Variants in NDST4 observed in about 807,000 individuals in gnomAD.
NDST4 encodes N-deacetylase and N-sulfotransferase 4.
NDST4 carries 63 observed loss-of-function variants against 100.8 expected under a neutral mutation model. The observed-to-expected ratio is 0.62, with a 90% CI of 0.51 to 0.77. NDST4 has a LOEUF of 0.77. Ranked by LOEUF, NDST4 falls within the 30% of genes least tolerant of loss-of-function variation. NDST4 has a pLI of 0.00. For missense variants in NDST4, 943 were observed against 1,018.4 expected (o/e 0.93, Z 1.01); for synonymous variants, 377 against 361.8 (o/e 1.04, Z -0.48).
At chr4:114,881,285 G>T (rs902790474) in intron 6 of NDST4, among the ~76,000 whole-genome samples, 2 of 152,038 alleles carry the variant, frequency 1.3e-5, no homozygotes, top group Non-Finnish European at 2.9e-5. Flanking sequence ...GGAAAGGAGA[G>T]AAATTAAATA....
intron 2 of NDST4, among the ~76,000 whole-genome samples, chr4:114,987,770 A>G (rs1307226742): frequency 6.6e-6 from 1 of 152,158 alleles, no homozygotes; most frequent in Admixed American, 6.5e-5. Context: ...CTTATCTTTT[A>G]CCTCAAATAA....
chr4:114,847,331 C>G (rs1317014302), intron 9 of NDST4, among the ~76,000 whole-genome samples: 1 of 127,728 alleles, frequency 7.8e-6, no homozygotes, highest in Non-Finnish European at 1.6e-5. Flanking sequence ...AGCCGAGATC[C>G]CGCCACTGCA....
chr4:114,901,067 T>C (rs1486918292), intron 6 of NDST4, among the ~76,000 whole-genome samples: 3 of 151,986 alleles, frequency 2.0e-5, no homozygotes, highest in African/African-American at 7.2e-5. Context: ...CCCCAGAATG[T>C]GACCTATCTT....
chr4:115,081,837 C>T (rs1026286405), intron 1 of NDST4, among the ~76,000 whole-genome samples: 1 of 152,086 alleles, frequency 6.6e-6, no homozygotes, highest in Non-Finnish European at 1.5e-5. Flanking sequence ...TGATGTTGAC[C>T]TTTCATTATA....
chr4:114,967,812 G>T (rs909710414), intron 4 of NDST4, among the ~76,000 whole-genome samples: 1 of 151,982 alleles, frequency 6.6e-6, no homozygotes, highest in Non-Finnish European at 1.5e-5. Flanking sequence ...TGTTTTAAAA[G>T]CAAGATGTAA....
intron 2 of NDST4, among the ~76,000 whole-genome samples, chr4:114,984,533 A>G (rs1369361014): frequency 6.6e-6 from 1 of 152,134 alleles, no homozygotes; most frequent in Non-Finnish European, 1.5e-5. Context: ...TTTGTTTTAT[A>G]TGGTCTTTTA....
chr4:115,072,388 G>T (rs573457429), intron 2 of NDST4, among the ~76,000 whole-genome samples: 73 of 151,826 alleles, frequency 4.8e-4, no homozygotes, highest in Non-Finnish European at 8.1e-4. Context: ...AACTACAAAA[G>T]ATCCCAAATA....
At chr4:114,899,528 A>G (rs1724790281) in intron 6 of NDST4, among the ~76,000 whole-genome samples, 1 of 151,010 alleles carries the variant, frequency 6.6e-6, no homozygotes, top group African/African-American at 2.4e-5. Context: ...TAGTTTACTG[A>G]AAGTTTTTTT....
In NDST4 at chr4:114,915,712, C is replaced by G. The variant is rs143537646; in HGVS notation, c.1536+19494G>C. 1.8e-4 allele frequency among the ~76,000 whole-genome samples: 28 copies of G among 152,060 alleles called. No individual in the cohort carries two copies. The East Asian group carries it at 5.2e-3, about 28-fold the overall frequency. Reference sequence around the variant, plus strand: ...AATCTATCACTTTTATTATAAATGCCATTAAAAGTCAGTGGACAGTGTAAT... The same window carrying G: ...AATCTATCACTTTTATTATAAATGCGATTAAAAGTCAGTGGACAGTGTAAT... On this transcript the variant is annotated intron_variant, in intron 6 of 13. Transcript: ENST00000264363.
chr4:114,855,109 C>T (rs1723764412), intron 7 of NDST4, among the ~76,000 whole-genome samples: 1 of 152,024 alleles, frequency 6.6e-6, no homozygotes, highest in South Asian at 2.1e-4. Context: ...AGATCCTTTG[C>T]CCATTTTTAA....
chr4:114,943,012 T>C (rs1225002428), intron 4 of NDST4, among the ~76,000 whole-genome samples: 1 of 147,594 alleles, frequency 6.8e-6, no homozygotes, highest in Non-Finnish European at 1.5e-5. Flanking sequence ...AATATTTACA[T>C]ATATTATATA....
chr4:114,869,292 GC>G (rs1340137708), intron 7 of NDST4, among the ~76,000 whole-genome samples: 1 of 151,704 alleles, frequency 6.6e-6, no homozygotes, highest in Non-Finnish European at 1.5e-5. Flanking sequence ...AGGAAGAGTA[GC>G]GCTGGAGGCC....
intron 2 of NDST4, among the ~76,000 whole-genome samples, chr4:114,988,440 C>T (rs561978946): frequency 2.2e-5 from 3 of 136,338 alleles, no homozygotes; most frequent in African/African-American, 8.3e-5. Flanking sequence ...TGGCTCACTT[C>T]AAGCTCCACC....
chr4:115,037,455 T>C (rs1019175073), intron 2 of NDST4, among the ~76,000 whole-genome samples: 27 of 152,100 alleles, frequency 1.8e-4, no homozygotes, highest in African/African-American at 6.5e-4. Flanking sequence ...AAGAAAGATA[T>C]AATTTTATCT....
intron 2 of NDST4, among the ~76,000 whole-genome samples, chr4:115,071,669 T>C (rs946601439): frequency 6.6e-6 from 1 of 152,026 alleles, no homozygotes; most frequent in Admixed American, 6.6e-5. Flanking sequence ...ACCATTGTTC[T>C]AGAATTGGGG....
intron 2 of NDST4, among the ~76,000 whole-genome samples, chr4:115,073,829 A>T (rs1389850519): frequency 6.6e-6 from 1 of 151,986 alleles, no homozygotes; most frequent in East Asian, 1.9e-4. Flanking sequence ...AGTATCTGGG[A>T]TAATTAATTC....
chr4:114,852,921 C>T, intron 7 of NDST4, 100 bp from the exon 8 acceptor site: 1 of 719,966 alleles, frequency 1.4e-6, no homozygotes, highest in Non-Finnish European at 2.2e-6. Context: ...GGCCTAATAC[C>T]TTAGAACTTG....
At chr4:114,986,832 A>T (rs1837805) in intron 2 of NDST4, among the ~76,000 whole-genome samples, 3,335 of 93,900 alleles carry the variant, frequency 0.036, 195 homozygotes, top group African/African-American at 0.079. Context: ...ATATATATAT[A>T]TTTTAATATA....
At chr4:114,946,801 C>T (rs979733033) in intron 4 of NDST4, among the ~76,000 whole-genome samples, 1 of 152,128 alleles carries the variant, frequency 6.6e-6, no homozygotes, top group Admixed American at 6.5e-5. Flanking sequence ...GGAATGGGTA[C>T]AGATCTTTTA....
Sources: allele counts gnomAD v4.1 joint callset (sites outside exome capture counted in the v4.1 genomes callset), GRCh38; gene constraint gnomAD v4.1.1; transcripts MANE v1.5; gene names NCBI Gene and HGNC (gene_info 2026-07-23, HGNC 2026-07-21).